CSMD1: variants seen among roughly 807,000 people sequenced by gnomAD.
CSMD1 encodes the protein CUB and sushi domain-containing protein 1.
In CSMD1, 213 loss-of-function variants were observed where a neutral mutation model predicts 417.5. The ratio of observed to expected loss-of-function variants is 0.51; its 90% CI spans 0.46 to 0.57. The LOEUF is 0.57. CSMD1 is among the 20% of genes least tolerant of loss of function. The pLI is 0.00. For synonymous variants in CSMD1, 2,862 were observed against 1,736.8 expected (o/e 1.65, Z -16.11); for missense variants, 6,923 against 4,529.7 (o/e 1.53, Z -15.17).
chr8:4,743,429 C>T (rs1307474107), intron 1 of CSMD1, among the ~76,000 whole-genome samples: 1 of 152,050 alleles, frequency 6.6e-6, no homozygotes, highest in African/African-American at 2.4e-5. Flanking sequence ...AAAAAATGAA[C>T]GTGTGTCAAG....
intron 23 of CSMD1, among the ~76,000 whole-genome samples, chr8:3,314,239 T>G (rs935042287): frequency 2.0e-5 from 3 of 151,658 alleles, no homozygotes; most frequent in Non-Finnish European, 4.4e-5. Flanking sequence ...CCCTAAAACT[T>G]AAAGTATAAT....
intron 2 of CSMD1, among the ~76,000 whole-genome samples, chr8:4,528,302 C>G (rs562856831): frequency 1.1e-3 from 175 of 152,214 alleles, no homozygotes; most frequent in Non-Finnish European, 1.6e-3. Context: ...CATCCATGAA[C>G]AGCAACAACA....
chr8:3,954,654 A>G (rs1054884048), intron 5 of CSMD1, among the ~76,000 whole-genome samples: 5 of 152,150 alleles, frequency 3.3e-5, no homozygotes, highest in African/African-American at 9.7e-5. Context: ...GAGCCACCGC[A>G]CCTGGCCGGA....
Position 3,934,051 on chromosome 8 carries a change from C to G in CSMD1, c.818+63852G>C, listed in dbSNP as rs148435976. On this transcript the variant is annotated intron_variant, in intron 5 of 69. Transcript: ENST00000635120. ...GAGTAGGAAGCCACTCTGCTCTACA[C>G]TGAGTATCAGTGACACCATGGCCAC... Among the ~76,000 whole-genome samples, 460 of 152,258 alleles carry G rather than the reference C, an allele frequency of 3.0e-3. 4 individuals are homozygous for G. The East Asian group carries it at 0.039, about 13-fold the overall frequency.
chr8:3,697,508 C>A (rs980463554), intron 7 of CSMD1, among the ~76,000 whole-genome samples: 1 of 152,112 alleles, frequency 6.6e-6, no homozygotes, highest in Non-Finnish European at 1.5e-5. Flanking sequence ...GATAAGAAAG[C>A]TTCATTGATT....
chr8:3,781,812 T>C lies in CSMD1; in HGVS notation c.819-27770A>G, dbSNP rs555341611. Among the ~76,000 whole-genome samples, 11 of 152,334 alleles carry C rather than the reference T, an allele frequency of 7.2e-5. No individual in the cohort carries two copies. In the South Asian group the frequency reaches 1.0e-3, roughly 14 times the overall value. Reference sequence around the variant, plus strand: ...TGTTTCCTTTTAAAAAAGTTATGACTTTTTATGATTTTGCTCTCTATACTT... The same window carrying C: ...TGTTTCCTTTTAAAAAAGTTATGACCTTTTATGATTTTGCTCTCTATACTT... On this transcript the variant is annotated intron_variant, in intron 5 of 69. Transcript: ENST00000635120.
chr8:4,011,847 G>A (rs1429940880), intron 4 of CSMD1, among the ~76,000 whole-genome samples: 3 of 152,142 alleles, frequency 2.0e-5, no homozygotes, highest in African/African-American at 7.2e-5. Flanking sequence ...GGTATCCATT[G>A]GGAATTGGTT....
At chr8:3,518,098 G>C (rs545789867) in intron 10 of CSMD1, among the ~76,000 whole-genome samples, 1 of 151,890 alleles carries the variant, frequency 6.6e-6, no homozygotes, top group Non-Finnish European at 1.5e-5. Context: ...AAAACAATAT[G>C]ACTATAGATT....
chr8:4,772,749 G>A (rs533628612), intron 1 of CSMD1, among the ~76,000 whole-genome samples: 201 of 152,238 alleles, frequency 1.3e-3, no homozygotes, highest in African/African-American at 4.7e-3. Flanking sequence ...TTCAGATCCC[G>A]GAAGAACCTC....
chr8:3,204,093 T>A (rs1013843541), intron 31 of CSMD1, among the ~76,000 whole-genome samples: 1 of 152,214 alleles, frequency 6.6e-6, no homozygotes, highest in African/African-American at 2.4e-5. Context: ...TGAGACAGAA[T>A]GCATTTTCAT....
chr8:4,578,733 G>A (rs1042674003), intron 2 of CSMD1, among the ~76,000 whole-genome samples: 16 of 147,456 alleles, frequency 1.1e-4, no homozygotes, highest in African/African-American at 4.1e-4. Flanking sequence ...ATAATTGCTT[G>A]AACCTGGGAG....
intron 2 of CSMD1, among the ~76,000 whole-genome samples, chr8:4,541,344 C>T (rs1797374382): frequency 6.6e-6 from 1 of 152,196 alleles, no homozygotes; most frequent in Non-Finnish European, 1.5e-5. Context: ...TGGGTACTGC[C>T]TTTGAAGATT....
At chr8:3,593,334 G>C (rs996517309) in intron 8 of CSMD1, among the ~76,000 whole-genome samples, 1 of 152,208 alleles carries the variant, frequency 6.6e-6, no homozygotes, top group Non-Finnish European at 1.5e-5. Flanking sequence ...GTGTCTCCTG[G>C]TGCTTCATAG....
chr8:4,595,953 T>G (rs1331216413), intron 2 of CSMD1, among the ~76,000 whole-genome samples: 1 of 152,116 alleles, frequency 6.6e-6, no homozygotes, highest in East Asian at 1.9e-4. Flanking sequence ...CTATATGAAC[T>G]GTACCACTTG....
intron 6 of CSMD1, among the ~76,000 whole-genome samples, chr8:3,734,615 G>A (rs1219189963): frequency 2.0e-5 from 3 of 152,170 alleles, no homozygotes; most frequent in Admixed American, 6.5e-5. Context: ...GGAGTCTGAG[G>A]CAGGAGAATT....
chr8:4,479,331 CAGTTGAACAG>C (rs1800965153), intron 2 of CSMD1, among the ~76,000 whole-genome samples: 1 of 152,074 alleles, frequency 6.6e-6, no homozygotes, highest in African/African-American at 2.4e-5. Context: ...GAATTTTATA[CAGTTGAACAG>C]CTGCACTTTA....
At chr8:3,787,718 C>T (rs941885300) in intron 5 of CSMD1, among the ~76,000 whole-genome samples, 9 of 152,186 alleles carry the variant, frequency 5.9e-5, no homozygotes, top group East Asian at 1.9e-4. Flanking sequence ...ATTTACATTA[C>T]ATTTGTAAGA....
At chr8:3,851,298 T>C (rs893722814) in intron 5 of CSMD1, among the ~76,000 whole-genome samples, 2 of 152,216 alleles carry the variant, frequency 1.3e-5, no homozygotes, top group East Asian at 3.8e-4. Flanking sequence ...GGTCTTTTCA[T>C]ATTGACATTA....
intron 3 of CSMD1, among the ~76,000 whole-genome samples, chr8:4,412,759 T>C (rs1031630426): frequency 6.6e-6 from 1 of 152,218 alleles, no homozygotes; most frequent in Non-Finnish European, 1.5e-5. Context: ...ATTAGACTAC[T>C]TACATTGATA....
Sources: allele counts gnomAD v4.1 joint callset (sites outside exome capture counted in the v4.1 genomes callset), GRCh38; gene constraint gnomAD v4.1.1; transcripts MANE v1.5; gene names NCBI Gene and HGNC (gene_info 2026-07-23, HGNC 2026-07-21).